The following COL25A1 variants were observed in gnomAD, a reference collection of about 807,000 sequenced individuals.
The protein encoded by COL25A1 is collagen type XXV alpha 1 chain.
Under a neutral mutation model 128.4 loss-of-function variants are expected in COL25A1, and 103 were observed. The ratio of observed to expected loss-of-function variants is 0.80; its 90% CI spans 0.68 to 0.94. The LOEUF is 0.94. COL25A1 is among the 40% of genes least tolerant of loss of function. The pLI is 0.00. For missense variants in COL25A1, 745 were observed against 840.0 expected (o/e 0.89, Z 1.40); for synonymous variants, 279 against 277.2 (o/e 1.01, Z -0.06).
chr4:108,932,690 T>C (rs1296874434), intron 11 of COL25A1, among the ~76,000 whole-genome samples: 3 of 152,214 alleles, frequency 2.0e-5, no homozygotes, highest in Non-Finnish European at 4.4e-5. Flanking sequence ...GTATATTTTT[T>C]TCAATACCGT....
At position 109,297,144 on chromosome 4, in the gene COL25A1, CT is replaced by C. The variant is rs562209641; in HGVS notation, c.367+3438del. Among the ~76,000 whole-genome samples, 8 of 152,112 alleles carry C rather than the reference CT, an allele frequency of 5.3e-5. No homozygotes were observed. The East Asian group carries it at 1.5e-3, about 29-fold the overall frequency. On this transcript the variant is annotated intron_variant, in intron 3 of 37. Transcript: ENST00000399132. The stretch of plus-strand genomic sequence containing the variant: ...TTTTTAAAATTATCATTTTGGGTTT[CT>C]TTAAACCAAATATTTTTTAAAATAG...
chr4:109,135,961 T>C (rs758309068), intron 3 of COL25A1, among the ~76,000 whole-genome samples: 13 of 152,184 alleles, frequency 8.5e-5, no homozygotes, highest in Non-Finnish European at 1.5e-4. Context: ...AACAAGCACA[T>C]AGTCTCACAT....
chr4:108,940,286 T>C (rs1389483298), intron 10 of COL25A1, among the ~76,000 whole-genome samples: 1 of 152,178 alleles, frequency 6.6e-6, no homozygotes, highest in Non-Finnish European at 1.5e-5. Flanking sequence ...CAGGTGTCTC[T>C]TGTGGTTTGC....
intron 8 of COL25A1, chr4:108,942,266 G>T: frequency 6.5e-7 from 1 of 1,550,206 alleles, no homozygotes; most frequent in Non-Finnish European, 8.7e-7. Flanking sequence ...AGCCTGGCAG[G>T]CCCTATGGAC....
chr4:109,039,965 C>A (rs953722949), intron 5 of COL25A1, among the ~76,000 whole-genome samples: 1 of 152,070 alleles, frequency 6.6e-6, no homozygotes, highest in Non-Finnish European at 1.5e-5. Flanking sequence ...GTGTGTATAT[C>A]TTTGAGGCCA....
chr4:108,869,190 C>CAATAAATA (rs72348233), intron 19 of COL25A1, 40 bp from the exon 20 acceptor site: 79,574 of 748,054 alleles, frequency 0.11, 6,340 homozygotes, highest in African/African-American at 0.24. Flanking sequence ...AATCATTTGA[C>CAATAAATA]AATAAATAAA....
chr4:109,250,991 T>C (rs1420242748), intron 3 of COL25A1, among the ~76,000 whole-genome samples: 1 of 152,214 alleles, frequency 6.6e-6, no homozygotes, highest in Non-Finnish European at 1.5e-5. Context: ...GAAGAGGATG[T>C]AAAGTCCTTG....
intron 32 of COL25A1, among the ~76,000 whole-genome samples, chr4:108,828,423 C>T (rs917049660): frequency 6.6e-5 from 10 of 152,174 alleles, no homozygotes; most frequent in Admixed American, 3.9e-4. Context: ...GCGTGAGCCA[C>T]CGTGCCTGGC....
intron 5 of COL25A1, among the ~76,000 whole-genome samples, chr4:109,020,737 T>A (rs755970806): frequency 1.2e-4 from 18 of 152,232 alleles, no homozygotes; most frequent in Non-Finnish European, 2.1e-4. Context: ...TAAAAAATTT[T>A]ATCACATGCA....
At position 108,987,668 on chromosome 4, in the gene COL25A1, C is replaced by A. The variant is rs955910871; in HGVS notation, c.439-13109G>T. On this transcript the variant is annotated intron_variant, in intron 6 of 37. Transcript: ENST00000399132. ...GGATTACACAGGTGAGCCACCGCGC[C>A]CGGCCGTGCATACCTTTCTTAAACG... is the stretch of plus-strand genomic sequence containing the variant. Among the ~76,000 whole-genome samples, 12 of 152,184 alleles carry A rather than the reference C, an allele frequency of 7.9e-5. No homozygotes were observed. In the East Asian group the frequency reaches 2.1e-3, roughly 27 times the overall value.
intron 20 of COL25A1, among the ~76,000 whole-genome samples, chr4:108,868,694 G>C (rs1266527515): frequency 2.9e-5 from 4 of 138,904 alleles, no homozygotes; most frequent in Non-Finnish European, 6.2e-5. Flanking sequence ...GGGAAGCGAA[G>C]GGAAGGAAGA....
intron 3 of COL25A1, among the ~76,000 whole-genome samples, chr4:109,157,859 G>A (rs1259198481): frequency 2.0e-5 from 3 of 152,272 alleles, no homozygotes; most frequent in East Asian, 3.9e-4. Flanking sequence ...CCATACAGCC[G>A]CTGCTGCAGA....
chr4:109,296,692 C>T (rs1725021163), intron 3 of COL25A1, among the ~76,000 whole-genome samples: 2 of 152,038 alleles, frequency 1.3e-5, no homozygotes, highest in Non-Finnish European at 2.9e-5. Context: ...AAGTTAATGA[C>T]AAAGCCAGGA....
intron 3 of COL25A1, among the ~76,000 whole-genome samples, chr4:109,091,688 A>G (rs564121664): frequency 6.6e-6 from 1 of 152,114 alleles, no homozygotes; most frequent in South Asian, 2.1e-4. Flanking sequence ...TCTGCTTACT[A>G]GTAAAATAGT....
At chr4:108,937,287 G>T (rs1747538039) in intron 11 of COL25A1, among the ~76,000 whole-genome samples, 1 of 151,976 alleles carries the variant, frequency 6.6e-6, no homozygotes, top group Non-Finnish European at 1.5e-5. Context: ...ATGGGGAACT[G>T]GGACCTGTGT....
chr4:108,838,054 A>AAAATC, intron 31 of COL25A1: 1 of 1,375,780 alleles, frequency 7.3e-7, no homozygotes, highest in South Asian at 1.2e-5. Flanking sequence ...GGTAGAAAGA[A>AAAATC]AAATCTGAGA....
At chr4:109,254,469 TTATATA>T (rs55997800) in intron 3 of COL25A1, among the ~76,000 whole-genome samples, 978 of 59,586 alleles carry the variant, frequency 0.016, 51 homozygotes, top group South Asian at 0.07. Context: ...AGGCATATGT[TTATATA>T]TATATATATA....
At chr4:109,065,545 C>CGCGCGCGCGCGCGTGT (rs771855567) in intron 3 of COL25A1, among the ~76,000 whole-genome samples, 2 of 141,132 alleles carry the variant, frequency 1.4e-5, no homozygotes, top group African/African-American at 5.3e-5. Flanking sequence ...CGCGCGCGCG[C>CGCGCGCGCGCGCGTGT]GTGTGTGTGT....
chr4:108,992,135 T>C (rs1754289499), intron 6 of COL25A1, among the ~76,000 whole-genome samples: 1 of 152,200 alleles, frequency 6.6e-6, no homozygotes, highest in African/African-American at 2.4e-5. Context: ...CTCACATTTT[T>C]TTCTCACTGA....
Sources: allele counts gnomAD v4.1 joint callset (sites outside exome capture counted in the v4.1 genomes callset), GRCh38; gene constraint gnomAD v4.1.1; transcripts MANE v1.5; gene names NCBI Gene and HGNC (gene_info 2026-07-23, HGNC 2026-07-21).